The following RPSA2 variants were observed in gnomAD, a reference collection of about 807,000 sequenced individuals.
The protein encoded by RPSA2 is small ribosomal subunit protein uS2B.
At chr19:23,817,897 G>T in the RPSA2 span, 1 of 152,194 alleles carries the variant, frequency 6.6e-6, no homozygotes, top group Non-Finnish European at 1.5e-5. Context: ...ACCTTGTCAT[G>T]TTATCCAGAA....
chr19:23,868,391 C>A, the RPSA2 span, among the ~76,000 whole-genome samples: 1 of 152,154 alleles, frequency 6.6e-6, no homozygotes, highest in Non-Finnish European at 1.5e-5. Flanking sequence ...TGACAATAGA[C>A]CTGCTTATAC....
the RPSA2 span, among the ~76,000 whole-genome samples, chr19:23,760,054 C>T: frequency 1.3e-5 from 2 of 152,128 alleles, no homozygotes; most frequent in African/African-American, 4.8e-5. Flanking sequence ...CAGAATTTCT[C>T]CTTGCCAATA....
At chr19:23,781,974 C>T in the RPSA2 span, 1 of 154,774 alleles carries the variant, frequency 6.5e-6, no homozygotes, top group East Asian at 1.9e-4. Context: ...GTGTTGCACC[C>T]AGGTGGTTTG....
At chr19:23,806,470 T>C in the RPSA2 span, among the ~76,000 whole-genome samples, 1 of 152,066 alleles carries the variant, frequency 6.6e-6, no homozygotes, top group Non-Finnish European at 1.5e-5. Context: ...TTAAACAGAA[T>C]GGCATTTATT....
chr19:23,857,900 TC>T, the RPSA2 span, among the ~76,000 whole-genome samples: 2 of 152,152 alleles, frequency 1.3e-5, no homozygotes, highest in Non-Finnish European at 2.9e-5. Flanking sequence ...TATCTGTGTT[TC>T]CTGTGTATTT....
At chr19:23,829,035 GT>G in the RPSA2 span, among the ~76,000 whole-genome samples, 2 of 151,722 alleles carry the variant, frequency 1.3e-5, no homozygotes, top group Non-Finnish European at 2.9e-5. Context: ...TTTCTTTGGA[GT>G]TTCAATTTCA....
At chr19:23,814,918 T>C in the RPSA2 span, among the ~76,000 whole-genome samples, 2 of 152,198 alleles carry the variant, frequency 1.3e-5, no homozygotes, top group Non-Finnish European at 2.9e-5. Context: ...TGATTTTGCC[T>C]CACTGCAGCC....
the RPSA2 span, chr19:23,758,698 C>T: frequency 2.5e-6 from 4 of 1,614,112 alleles, no homozygotes; most frequent in African/African-American, 1.3e-5. Flanking sequence ...GTCTGAGTCC[C>T]GCCACAGCCC....
chr19:23,789,059 G>T, the RPSA2 span, among the ~76,000 whole-genome samples: 1 of 140,864 alleles, frequency 7.1e-6, no homozygotes, highest in Non-Finnish European at 1.5e-5. Flanking sequence ...GGAGTGCAGT[G>T]ATGTGATCTT....
the RPSA2 span, among the ~76,000 whole-genome samples, chr19:23,847,092 A>T: frequency 1.3e-5 from 2 of 152,056 alleles, no homozygotes; most frequent in African/African-American, 4.8e-5. Context: ...AATTATTTTA[A>T]AAGACCTGTT....
the RPSA2 span, among the ~76,000 whole-genome samples, chr19:23,815,700 G>A: frequency 3.9e-5 from 6 of 152,046 alleles, no homozygotes; most frequent in Non-Finnish European, 8.8e-5. Context: ...TTGTTTTCTT[G>A]TTGATTTTTT....
At chr19:23,813,646 T>C in the RPSA2 span, among the ~76,000 whole-genome samples, 1 of 152,056 alleles carries the variant, frequency 6.6e-6, no homozygotes, top group Non-Finnish European at 1.5e-5. Context: ...TTGATAATAA[T>C]TTTATTTTTA....
At chr19:23,776,036 A>G in the RPSA2 span, among the ~76,000 whole-genome samples, 2 of 152,194 alleles carry the variant, frequency 1.3e-5, no homozygotes, top group Admixed American at 6.5e-5. Flanking sequence ...TAAGTGATGT[A>G]ACTCTGTTCT....
At chr19:23,870,539 T>C in the RPSA2 span, among the ~76,000 whole-genome samples, 1 of 152,174 alleles carries the variant, frequency 6.6e-6, no homozygotes, top group Non-Finnish European at 1.5e-5. Context: ...AAAAAGTTCT[T>C]GATTTAAATA....
the RPSA2 span, among the ~76,000 whole-genome samples, chr19:23,846,041 T>C: frequency 6.6e-6 from 1 of 152,206 alleles, no homozygotes; most frequent in Non-Finnish European, 1.5e-5. Context: ...GTGTTACCTA[T>C]AGAGATATTG....
At chr19:23,857,145 C>A in the RPSA2 span, among the ~76,000 whole-genome samples, 1 of 152,074 alleles carries the variant, frequency 6.6e-6, no homozygotes, top group South Asian at 2.1e-4. Flanking sequence ...GTATTAATAT[C>A]AATATTCCTT....
At chr19:23,776,939 G>A in the RPSA2 span, among the ~76,000 whole-genome samples, 1 of 152,090 alleles carries the variant, frequency 6.6e-6, no homozygotes, top group Non-Finnish European at 1.5e-5. Flanking sequence ...ATTGTCACAA[G>A]TTTCTGGGCC....
the RPSA2 span, among the ~76,000 whole-genome samples, chr19:23,837,476 T>A: frequency 6.6e-6 from 1 of 152,072 alleles, no homozygotes; most frequent in African/African-American, 2.4e-5. Context: ...TTTTTTGAAT[T>A]GTTTTTTCTA....
chr19:23,822,996 A>T, the RPSA2 span, among the ~76,000 whole-genome samples: 1 of 152,134 alleles, frequency 6.6e-6, no homozygotes, highest in East Asian at 1.9e-4. Context: ...ATATTTAACC[A>T]TGAGTCAATA....
Sources: gnomAD v4.1 joint callset for allele counts (sites outside exome capture counted in the v4.1 genomes callset) on GRCh38, gnomAD v4.1.1 for gene constraint, MANE v1.5 for transcripts, NCBI Gene and HGNC (gene_info 2026-07-23, HGNC 2026-07-21) for gene names.